NPAS2: variants seen among roughly 807,000 people sequenced by gnomAD.
NPAS2 encodes neuronal PAS domain protein 2, also known as neuronal PAS domain-containing protein 2.
Under a neutral mutation model 107.5 loss-of-function variants are expected in NPAS2, and 23 were observed. The ratio of observed to expected loss-of-function variants is 0.21; its 90% CI spans 0.15 to 0.30. NPAS2 has a LOEUF of 0.30. Among genes scored for constraint, NPAS2 ranks in the 10% least tolerant of loss-of-function variants. The pLI, the probability that NPAS2 is intolerant of heterozygous loss-of-function variation, is 1.00. For missense variants in NPAS2, 756 were observed against 1,043.3 expected, an observed-to-expected ratio of 0.72 and a Z score of 3.79; for synonymous variants, 403 against 417.5, an observed-to-expected ratio of 0.97 and a Z score of 0.42.
At chr2:100,851,833 G>T (rs974892451) in intron 1 of NPAS2, among the ~76,000 whole-genome samples, 7 of 152,152 alleles carry the variant, frequency 4.6e-5, no homozygotes, top group Admixed American at 6.5e-5. Context: ...ACTTGTCTGG[G>T]TCTTCCGGGT....
chr2:100,896,337 C>A (rs569719786), intron 1 of NPAS2, among the ~76,000 whole-genome samples: 2 of 152,194 alleles, frequency 1.3e-5, no homozygotes, highest in East Asian at 3.9e-4. Context: ...GCAGCAGTGG[C>A]TGGAGAAAGG....
At chr2:100,969,952 A>G (rs1337017640) in intron 11 of NPAS2, among the ~76,000 whole-genome samples, 4 of 152,218 alleles carry the variant, frequency 2.6e-5, no homozygotes, top group Non-Finnish European at 4.4e-5. Flanking sequence ...ATGTAGACAG[A>G]CAGACACTAC....
chr2:100,940,167 G>C (rs1674490369), intron 5 of NPAS2, among the ~76,000 whole-genome samples: 1 of 152,226 alleles, frequency 6.6e-6, no homozygotes, highest in Non-Finnish European at 1.5e-5. Flanking sequence ...GGGCAGAGGA[G>C]CGGATCTGGG....
intron 15 of NPAS2, among the ~76,000 whole-genome samples, chr2:100,980,615 G>T (rs970426475): frequency 4.6e-5 from 7 of 152,006 alleles, no homozygotes; most frequent in African/African-American, 1.7e-4. Context: ...GATTACGGGT[G>T]CCCACCACCA....
At chr2:100,856,634 A>C (rs1678569267) in intron 1 of NPAS2, among the ~76,000 whole-genome samples, 4 of 149,568 alleles carry the variant, frequency 2.7e-5, no homozygotes, top group African/African-American at 7.4e-5. Context: ...GCCATGCGGC[A>C]CACTCCGAGT....
chr2:100,993,996 C>T (rs141890789), intron 20 of NPAS2: 3 of 153,954 alleles, frequency 1.9e-5, no homozygotes, highest in African/African-American at 4.8e-5. Flanking sequence ...AAATTTGGAG[C>T]TCATTTACAT....
chr2:100,934,754 G>A, intron 4 of NPAS2: 1 of 980,236 alleles, frequency 1.0e-6, no homozygotes, highest in South Asian at 4.7e-5. Flanking sequence ...CCCCAGCTGT[G>A]GTTGGGGGAG....
chr2:100,970,366 C>T (rs547407223), intron 11 of NPAS2, among the ~76,000 whole-genome samples: 13 of 152,324 alleles, frequency 8.5e-5, no homozygotes, highest in East Asian at 7.7e-4. Flanking sequence ...GCAGGCGTTC[C>T]GGAGGCCCAG....
Position 100,827,465 on chromosome 2 carries a change from G to A in NPAS2, c.-23+7051G>A, listed in dbSNP as rs1676458316. Among the ~76,000 whole-genome samples the A allele has an allele frequency of 2.0e-5, 3 of 152,118 alleles. No individual in the cohort carries two copies. The South Asian group carries it at 6.2e-4, about 32-fold the overall frequency. On this transcript the variant is annotated intron_variant, in intron 1 of 20. Coordinates refer to ENST00000335681, the MANE Select transcript of NPAS2 (RefSeq NM_002518.4). ...GTATATTGCATGATACTGAGGTGTG[G>A]GGTATGAATGATCCTATCACCCAGG...
At chr2:100,874,738 A>G (rs114825322) in intron 1 of NPAS2, among the ~76,000 whole-genome samples, 7,807 of 152,118 alleles carry the variant, frequency 0.051, 661 homozygotes, top group African/African-American at 0.18. Flanking sequence ...GTGAAACTCC[A>G]TCTCAAAAAA....
At chr2:100,971,961 A>C (rs1396881727) in intron 12 of NPAS2, among the ~76,000 whole-genome samples, 2 of 136,034 alleles carry the variant, frequency 1.5e-5, no homozygotes, top group Non-Finnish European at 1.5e-5. Flanking sequence ...TTTTTTTTTG[A>C]GACAAAGTCT....
At chr2:100,887,680 T>C (rs2104673778) in intron 1 of NPAS2, among the ~76,000 whole-genome samples, 1 of 145,324 alleles carries the variant, frequency 6.9e-6, no homozygotes, top group East Asian at 2.2e-4. Context: ...TTTTTCTTTT[T>C]CTTTTTTTTT....
chr2:100,909,594 C>T (rs1450221772), intron 2 of NPAS2, among the ~76,000 whole-genome samples: 2 of 152,220 alleles, frequency 1.3e-5, no homozygotes, highest in East Asian at 3.9e-4. Flanking sequence ...GGACAGTGGG[C>T]TGATGCTCCC....
Position 100,974,819 on chromosome 2 carries a change from TGGAACC to T in NPAS2, c.1158_1163del (p.Glu387_Pro388del). The T allele has an allele frequency of 1.2e-6, 2 of 1,614,060 alleles. No individual in the cohort carries two copies. The highest frequency in any genetic ancestry group is 1.7e-6 in the Non-Finnish European group (2 of 1,179,954). ...GTGTTTCAGGACAAGGGCTCAAGCC[TGGAACC>T]TCGGCAGCACTTTAACACACTCGAC... On this transcript the variant is annotated inframe_deletion, in exon 13 of 21. Transcript: ENST00000335681.
chr2:100,924,457 A>G (rs1683433446), intron 2 of NPAS2, among the ~76,000 whole-genome samples: 1 of 152,366 alleles, frequency 6.6e-6, no homozygotes, highest in Admixed American at 6.5e-5. Context: ...AATGTCATAT[A>G]CTTGCTATCA....
At chr2:100,876,366 A>T (rs1292286507) in intron 1 of NPAS2, among the ~76,000 whole-genome samples, 1 of 152,212 alleles carries the variant, frequency 6.6e-6, no homozygotes, top group Non-Finnish European at 1.5e-5. Flanking sequence ...TCAGGGCCCC[A>T]TCACCCTCGT....
At chr2:100,949,076 A>T (rs555212151) in intron 6 of NPAS2, among the ~76,000 whole-genome samples, 3 of 152,338 alleles carry the variant, frequency 2.0e-5, no homozygotes, top group African/African-American at 7.2e-5. Context: ...TTAACATACC[A>T]TATGAAAACA....
rs1676085345 is a variant in NPAS2 at position 100,964,286 on chromosome 2, AC to A, written c.717+111del. The A allele has an allele frequency of 1.1e-5, 9 of 801,422 alleles. No homozygotes were observed. In the South Asian group the frequency reaches 1.4e-4, roughly 12 times the overall value. 49.6% of individuals were successfully genotyped at this position (801,422 alleles called of 1,614,324 possible). A position where few individuals can be genotyped will look rare whatever the true frequency, so the allele number is the denominator to read the frequency against. ...GGGAATAAATTGCAGTGAAGTTGTC[AC>A]TGGCTTTGAAAATCGAAGTGTCTGG... On this transcript the variant is annotated intron_variant, in intron 8 of 20. Transcript: ENST00000335681.
intron 3 of NPAS2, among the ~76,000 whole-genome samples, chr2:100,926,064 T>G (rs1683540610): frequency 6.6e-6 from 1 of 152,218 alleles, no homozygotes; most frequent in Admixed American, 6.5e-5. Flanking sequence ...GTATCTGGCT[T>G]CTTTCACGTA....
Sources: gnomAD v4.1 joint callset for allele counts (sites outside exome capture counted in the v4.1 genomes callset) on GRCh38, gnomAD v4.1.1 for gene constraint, MANE v1.5 for transcripts, NCBI Gene and HGNC (gene_info 2026-07-23, HGNC 2026-07-21) for gene names.